The following KCP variants were observed in gnomAD, a reference collection of about 807,000 sequenced individuals.
KCP encodes the protein kielin cysteine rich BMP regulator.
A neutral mutation model predicts 212.7 loss-of-function variants in KCP; 194 were observed. That is an observed-to-expected ratio of 0.91 (90% confidence interval 0.81 to 1.03). The LOEUF (loss-of-function observed/expected upper bound fraction) is 1.03, where lower values mean the gene tolerates loss of function less well. Among genes scored for constraint, KCP ranks in the 50% least tolerant of loss-of-function variants. The probability of loss-of-function intolerance (pLI) is 0.00; values close to 1 mark genes in which losing one functional copy is unlikely to be tolerated. For synonymous variants in KCP, 833 were observed against 865.3 expected (o/e 0.96, Z 0.65); for missense variants, 2,080 against 2,162.5 (o/e 0.96, Z 0.76).
Position 128,884,320 on chromosome 7 carries a change from T to A in KCP, c.3124-198A>T, listed in dbSNP as rs117282689. Among the ~76,000 whole-genome samples, 726 of 152,302 alleles carry A rather than the reference T, an allele frequency of 4.8e-3. 7 individuals are homozygous for A. The highest frequency in any genetic ancestry group is 6.8e-3 in the Middle Eastern group (2 of 294). On this transcript the variant is annotated intron_variant, in intron 28 of 39. Transcript: ENST00000610776. ...CCATGCCCTAGTCTCTGAGATGATG[T>A]CTCCTTCTCCTTTAAGTCACTTGGG...
intron 26 of KCP, 33 bp from the exon 27 acceptor site, chr7:128,885,303 A>C (rs995316550): frequency 1.3e-6 from 2 of 1,517,038 alleles, no homozygotes; most frequent in Non-Finnish European, 8.9e-7. Flanking sequence ...ACGAGCTCGG[A>C]GGTTGAGATC....
Position 128,891,497 on chromosome 7 carries a change from G to A in KCP, c.1832C>T (p.Ala611Val), listed in dbSNP as rs1794131598. 3.2e-6 allele frequency: 5 copies of A among 1,549,862 alleles called. No homozygotes were observed. Among genetic ancestry groups the A allele is most frequent in the Non-Finnish European group, 4.4e-6 (5 of 1,146,628 alleles). ...GGGGTCAGAGGGGTGGGGGAAGTCC[G>A]CTCCGCTGGGGTACTCTTTCCCGCC... ...AFGGKEYPSG[A>V]DFPHPSDPCR... The change falls in exon 18 of 40, where the codon GCG becomes GTG. Residue 611 changes from alanine to valine, a missense_variant. By Grantham distance (64) the Ala-to-Val change is moderately conservative (BLOSUM62 0). Transcript: ENST00000610776.
Position 128,880,096 on chromosome 7 carries a change from C to T in KCP, c.3760-11G>A. ...GGCAGGGGCCTTGTCCTGCACTCAG[C>T]CCCAGACACTGTCAGACACACCGCC... On this transcript the variant is annotated splice_polypyrimidine_tract_variant and intron_variant, in intron 34 of 39. Transcript: ENST00000610776. The T allele has an allele frequency of 6.6e-7, 1 of 1,521,870 alleles. No homozygotes were observed. Among genetic ancestry groups the T allele is most frequent in the Non-Finnish European group, 8.8e-7 (1 of 1,132,030 alleles). The allele number at this position is 1,521,870 out of a possible 1,614,324, so 94.3% of individuals were successfully genotyped here. A position where few individuals can be genotyped will look rare whatever the true frequency, so the allele number is the denominator to read the frequency against.
At chr7:128,882,863 G>A (rs1403598279) in intron 29 of KCP, among the ~76,000 whole-genome samples, 4 of 152,160 alleles carry the variant, frequency 2.6e-5, no homozygotes, top group African/African-American at 7.2e-5. Flanking sequence ...CCTGAGGTCA[G>A]GAGTTCGAGA....
Position 128,876,903 on chromosome 7 carries a change from T to TGGCG in KCP, c.*136_*139dup. 2.3e-5 allele frequency: 23 copies of TGGCG among 980,024 alleles called. No homozygotes were observed. Among genetic ancestry groups the TGGCG allele is most frequent in the Non-Finnish European group, 3.3e-5 (23 of 690,580 alleles). The allele number at this position is 980,024 out of a possible 1,614,324, so 60.7% of individuals were successfully genotyped here. On this transcript the variant is annotated 3_prime_UTR_variant, in exon 40 of 40. Transcript: ENST00000610776. ...AGAGTTTACTGCTGGTGACTCAACA[T>TGGCG]GGCGGGGGTCTTTGCAGGGCAGGGG...
At chr7:128,891,124 C>A in intron 19 of KCP, 28 bp from the exon 20 acceptor site, 1 of 1,523,384 alleles carries the variant, frequency 6.6e-7, no homozygotes, top group Non-Finnish European at 8.8e-7. Flanking sequence ...ATCAAAGGGG[C>A]CCAGGAACAG....
rs889056821 is a variant in KCP at position 128,894,042 on chromosome 7, G to A, written c.939C>T (p.Asn313=). The A allele has an allele frequency of 7.2e-5, 112 of 1,549,754 alleles. No individual in the cohort carries two copies. The highest frequency in any genetic ancestry group is 2.6e-4 in the Admixed American group (13 of 50,962). ...GCTCCCCGCTGCGGTGCTCCCGCCCGTTTAGGAAACAGCCTGTTGGGAAGG... is the reference window on the plus strand; with the variant it reads ...GCTCCCCGCTGCGGTGCTCCCGCCCATTTAGGAAACAGCCTGTTGGGAAGG... ...CCPVCDGCFL[N]GREHRSGEPV... is the part of the protein sequence containing the mutation. The change falls in exon 10 of 40, where the codon AAC becomes AAT. Residue 313 remains asparagine (N), a synonymous_variant. Coordinates refer to ENST00000610776, the MANE Select transcript of KCP (RefSeq NM_001366122.1).
chr7:128,891,885 C>A, intron 16 of KCP, 66 bp from the exon 17 acceptor site: 1 of 1,246,892 alleles, frequency 8.0e-7, no homozygotes. Context: ...CCCTGGAGTC[C>A]AGAGCCGCCA....
chr7:128,902,284 A>G (rs548862091), intron 8 of KCP, among the ~76,000 whole-genome samples: 1 of 152,378 alleles, frequency 6.6e-6, no homozygotes, highest in African/African-American at 2.4e-5. Flanking sequence ...TGTTATTTCA[A>G]CATGTAATCA....
chr7:128,893,513 G>T, intron 11 of KCP, 37 bp from the exon 12 acceptor site: 1 of 1,421,814 alleles, frequency 7.0e-7, no homozygotes, highest in Non-Finnish European at 9.7e-7. Context: ...GTATAGGGCT[G>T]GAGGCAGAGG....
intron 8 of KCP, among the ~76,000 whole-genome samples, chr7:128,894,871 G>T (rs1029886556): frequency 2.0e-5 from 3 of 152,196 alleles, no homozygotes; most frequent in African/African-American, 7.2e-5. Flanking sequence ...GTCTCCCAAA[G>T]TGCTGGGTTT....
intron 4 of KCP, 69 bp from the exon 5 acceptor site, chr7:128,906,432 A>G: frequency 1.8e-6 from 2 of 1,120,930 alleles, no homozygotes; most frequent in East Asian, 5.1e-5. Context: ...TGGAAGTAAA[A>G]CCTCAGCCCA....
intron 2 of KCP, among the ~76,000 whole-genome samples, chr7:128,907,771 C>A (rs933158309): frequency 1.3e-5 from 2 of 152,246 alleles, no homozygotes; most frequent in Non-Finnish European, 2.9e-5. Flanking sequence ...TGGAACAGTA[C>A]GAAACACGAA....
chr7:128,905,340 C>A (rs2128950373), intron 5 of KCP, among the ~76,000 whole-genome samples: 1 of 152,326 alleles, frequency 6.6e-6, no homozygotes, highest in East Asian at 1.9e-4. Flanking sequence ...TCTAGACTTT[C>A]ATTTGCTAAA....
chr7:128,877,572 A>G lies in KCP; in HGVS notation c.4530T>C (p.Asp1510=). 6.4e-7 allele frequency: 1 copy of G among 1,551,576 alleles called. No individual in the cohort carries two copies. Among genetic ancestry groups the G allele is most frequent in the South Asian group, 1.2e-5 (1 of 84,070 alleles). ...CTTCCAGGGCATCACAGAGGCAGGCATCAGCGGAGGAGCCAGGGCCACAGG... is the reference window on the plus strand; with the variant it reads ...CTTCCAGGGCATCACAGAGGCAGGCGTCAGCGGAGGAGCCAGGGCCACAGG... ...LCACGPGSSA[D]ACLCDALEAY... is the part of the protein sequence containing the mutation. Residue 1510 remains aspartate, a synonymous_variant, in exon 39 of 40, where the codon GAT becomes GAC. Coordinates refer to ENST00000610776, the MANE Select transcript of KCP (RefSeq NM_001366122.1).
At chr7:128,884,215 C>CAG in intron 28 of KCP, 93 bp from the exon 29 acceptor site, 1 of 1,438,432 alleles carries the variant, frequency 7.0e-7, no homozygotes, top group East Asian at 2.6e-5. Context: ...CTGCCTGCTG[C>CAG]AGCCTCTTCC....
intron 1 of KCP, among the ~76,000 whole-genome samples, chr7:128,909,337 T>C (rs1184699861): frequency 1.3e-5 from 2 of 152,154 alleles, no homozygotes; most frequent in African/African-American, 4.8e-5. Flanking sequence ...TTTCCCACCA[T>C]GGCAGCTCAT....
In KCP at chr7:128,877,320, G is replaced by A; in HGVS notation, c.4619-9C>T. On this transcript the variant is annotated splice_polypyrimidine_tract_variant and intron_variant, in intron 39 of 39. Transcript: ENST00000610776. ...CAGGGGGCAGCCTACCACTGCAGGG[G>A]GAGTGGGAGGCGGGGTTACCAAGGC... is the stretch of plus-strand genomic sequence containing the variant. The A allele has an allele frequency of 6.5e-7, 1 of 1,527,184 alleles. No individual in the cohort carries two copies. The highest frequency in any genetic ancestry group is 1.2e-5 in the South Asian group (1 of 80,812). The allele number at this position is 1,527,184 out of a possible 1,614,324, so 94.6% of individuals were successfully genotyped here. A position where few individuals can be genotyped will look rare whatever the true frequency, so the allele number is the denominator to read the frequency against.
intron 1 of KCP, among the ~76,000 whole-genome samples, chr7:128,909,376 A>G (rs115800287): frequency 8.9e-4 from 135 of 152,270 alleles, no homozygotes; most frequent in African/African-American, 2.6e-3. Flanking sequence ...AGTGGCTTAA[A>G]AGGGTTTCTC....
Sources: allele counts gnomAD v4.1 joint callset (sites outside exome capture counted in the v4.1 genomes callset), GRCh38; gene constraint gnomAD v4.1.1; transcripts MANE v1.5; gene names NCBI Gene and HGNC (gene_info 2026-07-23, HGNC 2026-07-21).